Variants in TRAT1 observed in about 807,000 individuals in gnomAD.
TRAT1 encodes T-cell receptor-associated transmembrane adapter 1.
Under a neutral mutation model 20.0 loss-of-function variants are expected in TRAT1, and 20 were observed. The observed-to-expected ratio is 1.00, with a 90% CI of 0.70 to 1.45. The LOEUF (loss-of-function observed/expected upper bound fraction) is 1.45. TRAT1 is among the 40% of genes most tolerant of loss of function. The probability of loss-of-function intolerance (pLI) is 0.00; values close to 1 mark genes in which losing one functional copy is unlikely to be tolerated. For missense variants in TRAT1, 237 were observed against 224.1 expected (o/e 1.06, Z -0.37); for synonymous variants, 77 against 74.2 (o/e 1.04, Z -0.20).
At chr3:108,830,445 C>G (rs1945782502) in intron 1 of TRAT1, among the ~76,000 whole-genome samples, 1 of 152,214 alleles carries the variant, frequency 6.6e-6, no homozygotes, top group African/African-American at 2.4e-5. Flanking sequence ...CATAAACACT[C>G]AGAATGTGAG....
At position 108,851,591 on chromosome 3, in the gene TRAT1, C is replaced by G. The variant is rs1425379654; in HGVS notation, c.304-2029C>G. Among the ~76,000 whole-genome samples, 33 of 150,074 alleles carry G rather than the reference C, an allele frequency of 2.2e-4. 2 individuals carry two copies. Among genetic ancestry groups the G allele is most frequent in the Admixed American group, 2.2e-3 (33 of 15,058 alleles). ...TTTCCATTTTTTTAATGAATCATTA[C>G]TATTTGCCTACCAATATGTGAAAGT... On this transcript the variant is annotated intron_variant, in intron 5 of 5. Transcript: ENST00000295756.
At chr3:108,826,554 C>T (rs572738718) in intron 1 of TRAT1, among the ~76,000 whole-genome samples, 2 of 151,960 alleles carry the variant, frequency 1.3e-5, no homozygotes, top group African/African-American at 4.8e-5. Flanking sequence ...GTGTCACGTT[C>T]AAAAAATCAT....
chr3:108,835,549 T>G lies in TRAT1; in HGVS notation c.119-3385T>G, dbSNP rs113538316. 3.9e-5 allele frequency among the ~76,000 whole-genome samples: 6 copies of G among 152,314 alleles called. 2 individuals are homozygous for G. The highest frequency in any genetic ancestry group is 1.2e-4 in the African/African-American group (5 of 41,566). On this transcript the variant is annotated intron_variant, in intron 2 of 5. Coordinates refer to ENST00000295756, the MANE Select transcript of TRAT1 (RefSeq NM_016388.4). Reference sequence around the variant, plus strand: ...CTCACTACGGCTCATTTAAAGAGATTATAACCTTCTTCTAGGGAGGACTGC... The same window carrying G: ...CTCACTACGGCTCATTTAAAGAGATGATAACCTTCTTCTAGGGAGGACTGC...
chr3:108,846,271 G>T (rs573569320), intron 3 of TRAT1, among the ~76,000 whole-genome samples: 1 of 152,270 alleles, frequency 6.6e-6, no homozygotes, highest in African/African-American at 2.4e-5. Context: ...TCATATGATT[G>T]TCCTGAGGGT....
chr3:108,846,754 T>C (rs1945947067), intron 3 of TRAT1, among the ~76,000 whole-genome samples: 1 of 152,192 alleles, frequency 6.6e-6, no homozygotes, highest in South Asian at 2.1e-4. Flanking sequence ...ATTGAGAGAA[T>C]TAAATGAACA....
At chr3:108,826,506 T>C (rs967911612) in intron 1 of TRAT1, among the ~76,000 whole-genome samples, 1 of 152,136 alleles carries the variant, frequency 6.6e-6, no homozygotes, top group Non-Finnish European at 1.5e-5. Context: ...TATTGTGGGA[T>C]GATGGGTAGT....
intron 2 of TRAT1, 64 bp downstream of exon 2, chr3:108,830,844 A>C: frequency 9.9e-7 from 1 of 1,009,608 alleles, no homozygotes; most frequent in South Asian, 1.4e-5. Context: ...GTCACTGGAA[A>C]ACCTATGGAA....
intron 2 of TRAT1, among the ~76,000 whole-genome samples, chr3:108,833,799 T>TAC (rs3054303): frequency 0.17 from 25,172 of 146,584 alleles, 2,057 homozygotes; most frequent in Non-Finnish European, 0.19. Context: ...TTGTAAGAAT[T>TAC]ACACACACAC....
chr3:108,839,602 C>T (rs1035058677), intron 3 of TRAT1, among the ~76,000 whole-genome samples: 4 of 149,962 alleles, frequency 2.7e-5, no homozygotes, highest in Non-Finnish European at 4.4e-5. Flanking sequence ...GCCAAGATGG[C>T]ACCACTGCAC....
chr3:108,827,151 A>G (rs1023147891), intron 1 of TRAT1, among the ~76,000 whole-genome samples: 2 of 152,190 alleles, frequency 1.3e-5, no homozygotes, highest in Non-Finnish European at 2.9e-5. Context: ...AGCTGAATTC[A>G]AATTGTGTGG....
intron 3 of TRAT1, among the ~76,000 whole-genome samples, chr3:108,844,843 CAAAAAAAAA>C (rs71103495): frequency 4.2e-5 from 2 of 47,842 alleles, no homozygotes; most frequent in African/African-American, 1.7e-4. Flanking sequence ...GACTCTGTCT[CAAAAAAAAA>C]AAAAAAAAAA....
At chr3:108,843,390 C>T (rs1210812133) in intron 3 of TRAT1, among the ~76,000 whole-genome samples, 2 of 152,060 alleles carry the variant, frequency 1.3e-5, no homozygotes, top group South Asian at 2.1e-4. Context: ...ATTTGCTGGG[C>T]ATGTCGTCAT....
chr3:108,832,724 C>A (rs1271321083), intron 2 of TRAT1, among the ~76,000 whole-genome samples: 1 of 152,080 alleles, frequency 6.6e-6, no homozygotes, highest in Non-Finnish European at 1.5e-5. Flanking sequence ...TGCTGAGGGG[C>A]CAGGTAACAG....
intron 5 of TRAT1, among the ~76,000 whole-genome samples, chr3:108,850,738 T>C (rs898206228): frequency 6.6e-6 from 1 of 152,256 alleles, no homozygotes; most frequent in Non-Finnish European, 1.5e-5. Context: ...TGATATAATA[T>C]GATTTGCTAA....
chr3:108,832,572 T>A (rs534024189), intron 2 of TRAT1, among the ~76,000 whole-genome samples: 1 of 152,168 alleles, frequency 6.6e-6, no homozygotes, highest in East Asian at 1.9e-4. Context: ...TAAATCCAGA[T>A]AATATATAGC....
At position 108,824,222 on chromosome 3, in the gene TRAT1, T is replaced by G. The variant is rs768466957; in HGVS notation, c.7+1288T>G. 4.9e-4 allele frequency among the ~76,000 whole-genome samples: 75 copies of G among 152,314 alleles called. 1 individual carries two copies. Among genetic ancestry groups the G allele is most frequent in the South Asian group, 1.2e-3 (6 of 4,830 alleles). Reference sequence around the variant, plus strand: ...TTTACATGACAGAAAGATGAACAACTCTATAGCTTTTTCTGTAGTAAGGGT... The same window carrying G: ...TTTACATGACAGAAAGATGAACAACGCTATAGCTTTTTCTGTAGTAAGGGT... On this transcript the variant is annotated intron_variant, in intron 1 of 5. Coordinates refer to ENST00000295756, the MANE Select transcript of TRAT1 (RefSeq NM_016388.4).
intron 2 of TRAT1, among the ~76,000 whole-genome samples, chr3:108,833,505 C>T (rs1328662499): frequency 6.6e-6 from 1 of 152,074 alleles, no homozygotes; most frequent in Non-Finnish European, 1.5e-5. Context: ...ACCCTTACTG[C>T]CCCAAGCATG....
Position 108,854,709 on chromosome 3 carries a change from G to A in TRAT1, c.*832G>A, listed in dbSNP as rs568237637. ...GTTATATTTAACTATATATAAATAC[G>A]CATATATTGTAATTTTAATGTCTGC... On this transcript the variant is annotated 3_prime_UTR_variant, in exon 6 of 6. Coordinates refer to ENST00000295756, the MANE Select transcript of TRAT1 (RefSeq NM_016388.4). The A allele has an allele frequency of 6.6e-5, 10 of 151,894 alleles. No homozygotes were observed. The highest frequency in any genetic ancestry group is 1.2e-4 in the Non-Finnish European group (8 of 67,952). The allele number at this position is 151,894 out of a possible 1,614,324, so 9.4% of individuals were successfully genotyped here. A position where few individuals can be genotyped will look rare whatever the true frequency, so the allele number is the denominator to read the frequency against.
intron 3 of TRAT1, among the ~76,000 whole-genome samples, chr3:108,841,642 G>A (rs548337833): frequency 6.6e-6 from 1 of 152,228 alleles, no homozygotes; most frequent in Admixed American, 6.5e-5. Context: ...TATGCTGGAA[G>A]GGAAAGGAAT....
Sources: allele counts gnomAD v4.1 joint callset (sites outside exome capture counted in the v4.1 genomes callset), GRCh38; gene constraint gnomAD v4.1.1; transcripts MANE v1.5; gene names NCBI Gene and HGNC (gene_info 2026-07-23, HGNC 2026-07-21).